DST: variants seen among roughly 807,000 people sequenced by gnomAD.
The protein encoded by DST is bullous pemphigoid antigen.
In DST, 253 loss-of-function variants were observed where a neutral mutation model predicts 875.2. That is an observed-to-expected ratio of 0.29 (90% CI 0.26 to 0.32). The LOEUF is 0.32. Ranked by LOEUF, DST falls within the 10% of genes least tolerant of loss-of-function variation. The pLI is 1.00. For synonymous variants in DST, 3,124 were observed against 3,197.1 expected, an observed-to-expected ratio of 0.98 and a Z score of 0.77; for missense variants, 8,287 against 9,111.6, an observed-to-expected ratio of 0.91 and a Z score of 3.68.
At chr6:56,689,640 A>G (rs9296851) in intron 9 of DST, among the ~76,000 whole-genome samples, 2,708 of 152,226 alleles carry the variant, frequency 0.018, 72 homozygotes, top group African/African-American at 0.062. Context: ...AATAGTAAAA[A>G]GCTCCCTATC....
chr6:56,916,787 C>CAT (rs1385407117), intron 2 of DST, among the ~76,000 whole-genome samples: 9 of 143,128 alleles, frequency 6.3e-5, no homozygotes, highest in Non-Finnish European at 1.2e-4. Flanking sequence ...CTCACACACA[C>CAT]ACACACACAC....
chr6:56,748,379 A>G lies in DST; in HGVS notation c.626-13090T>C, dbSNP rs182527784. Among the ~76,000 whole-genome samples the G allele has an allele frequency of 2.4e-3, 361 of 152,330 alleles. 1 individual carries two copies. The highest frequency in any genetic ancestry group is 8.4e-3 in the African/African-American group (349 of 41,580). On this transcript the variant is annotated intron_variant, in intron 4 of 103. Coordinates refer to ENST00000680361, the MANE Select transcript of DST (RefSeq NM_001374736.1). ...TCAAATATTAGCATCAAAACTGGCT[A>G]GCAATTTCAGCTTGGGAAAATGATT...
At chr6:56,660,083 G>T (rs2099031006) in intron 10 of DST, among the ~76,000 whole-genome samples, 1 of 152,190 alleles carries the variant, frequency 6.6e-6, no homozygotes, top group African/African-American at 2.4e-5. Flanking sequence ...GTGGGAGGAG[G>T]TGCTGTGAGG....
chr6:56,736,570 T>C (rs2099525147), intron 4 of DST, among the ~76,000 whole-genome samples: 1 of 152,190 alleles, frequency 6.6e-6, no homozygotes, highest in Non-Finnish European at 1.5e-5. Context: ...TCAGATGTTC[T>C]CCATCCTTTC....
In DST at chr6:56,568,572, T is replaced by C. The variant is rs746611963; in HGVS notation, c.13902A>G (p.Leu4634=). 6.2e-6 allele frequency: 10 copies of C among 1,608,496 alleles called. No individual in the cohort carries two copies. Among genetic ancestry groups the C allele is most frequent in the Non-Finnish European group, 6.8e-6 (8 of 1,177,392 alleles). Reference sequence around the variant, plus strand: ...TTACTTTCTGAATCTCTGGTGTTTTTAAACTCCACTTTTCTTGTAATTTCT... The same window carrying C: ...TTACTTTCTGAATCTCTGGTGTTTTCAAACTCCACTTTTCTTGTAATTTCT... ...DTKKLQEKWS[L]KTPEIQKVNN... The change falls in exon 55 of 104, where the codon TTA becomes TTG. Residue 4634 remains leucine (L), a synonymous_variant. Coordinates refer to ENST00000680361, the MANE Select transcript of DST (RefSeq NM_001374736.1).
chr6:56,625,980 A>G (rs2098730626), intron 34 of DST, among the ~76,000 whole-genome samples: 1 of 151,268 alleles, frequency 6.6e-6, no homozygotes, highest in Non-Finnish European at 1.5e-5. Flanking sequence ...AGTAAAAAAA[A>G]AAAAAAAAAA....
At chr6:56,921,874 A>G (rs1487083841) in intron 2 of DST, among the ~76,000 whole-genome samples, 1 of 152,224 alleles carries the variant, frequency 6.6e-6, no homozygotes, top group Non-Finnish European at 1.5e-5. Flanking sequence ...ACCATAGAAG[A>G]TACAAAAGAG....
intron 3 of DST, among the ~76,000 whole-genome samples, chr6:56,886,952 TGA>T (rs1345678965): frequency 6.6e-6 from 1 of 152,024 alleles, no homozygotes; most frequent in Non-Finnish European, 1.5e-5. Flanking sequence ...CAGAAAATAT[TGA>T]GAGAAATCAG....
At chr6:56,942,907 G>C (rs60002990) in intron 2 of DST, among the ~76,000 whole-genome samples, 17 of 151,944 alleles carry the variant, frequency 1.1e-4, no homozygotes, top group Admixed American at 4.6e-4. Flanking sequence ...TTTTTGTATA[G>C]ACAAGGTTTT....
Position 56,557,471 on chromosome 6 carries a change from T to C in DST, c.14488A>G (p.Lys4830Glu). ...LNQLTIDRQQ[K>E]LEESSNNLTQ... ...AGATTATTGGAGGATTCTTCCAGTT[T>C]TTGTTGTCTATCAATTGTTAATTGA... Residue 4830 changes from lysine to glutamate, a missense_variant, in exon 59 of 104, where the codon AAA becomes GAA. By Grantham distance (56) the Lys-to-Glu change is moderately conservative. Coordinates refer to ENST00000680361, the MANE Select transcript of DST (RefSeq NM_001374736.1). The C allele has an allele frequency of 1.2e-6, 2 of 1,613,616 alleles. No individual in the cohort carries two copies. The highest frequency in any genetic ancestry group is 1.7e-6 in the Non-Finnish European group (2 of 1,179,622).
At chr6:56,543,418 C>T (rs1476317664) in intron 61 of DST, among the ~76,000 whole-genome samples, 1 of 152,082 alleles carries the variant, frequency 6.6e-6, no homozygotes, top group Middle Eastern at 3.2e-3. Flanking sequence ...TACTAATAAC[C>T]ATACAGTACT....
intron 71 of DST, among the ~76,000 whole-genome samples, chr6:56,516,642 G>T (rs1039631504): frequency 1.1e-4 from 17 of 152,124 alleles, no homozygotes; most frequent in Non-Finnish European, 2.2e-4. Context: ...AGGCTGCTTA[G>T]ATGTCTGAAT....
chr6:56,665,040 C>A (rs1262221953), intron 10 of DST, among the ~76,000 whole-genome samples: 1 of 152,160 alleles, frequency 6.6e-6, no homozygotes, highest in Non-Finnish European at 1.5e-5. Context: ...ATTCTTACTA[C>A]CCCATTACAT....
At chr6:56,904,473 T>G (rs2127700195) in intron 2 of DST, among the ~76,000 whole-genome samples, 1 of 152,296 alleles carries the variant, frequency 6.6e-6, no homozygotes, top group South Asian at 2.1e-4. Context: ...AATGAGATAA[T>G]CCACATTACG....
intron 2 of DST, among the ~76,000 whole-genome samples, chr6:56,916,359 G>C (rs1422622139): frequency 6.6e-6 from 1 of 152,146 alleles, no homozygotes; most frequent in Non-Finnish European, 1.5e-5. Flanking sequence ...ACAAAGTATT[G>C]GACCTTCAGT....
At chr6:56,834,875 T>C (rs1406768771) in intron 4 of DST, among the ~76,000 whole-genome samples, 3 of 152,172 alleles carry the variant, frequency 2.0e-5, no homozygotes, top group African/African-American at 7.2e-5. Context: ...TGAAAACATG[T>C]CCACACAAAA....
intron 4 of DST, among the ~76,000 whole-genome samples, chr6:56,808,665 T>G (rs2099756199): frequency 6.6e-6 from 1 of 152,340 alleles, no homozygotes; most frequent in African/African-American, 2.4e-5. Flanking sequence ...CTATTTACTT[T>G]TTGCTATTCA....
Position 56,604,801 on chromosome 6 carries a change from G to C in DST, c.9827C>G (p.Ser3276Cys), listed in dbSNP as rs1434960763. The C allele has an allele frequency of 6.2e-7, 1 of 1,612,800 alleles. No homozygotes were observed. The highest frequency in any genetic ancestry group is 2.2e-5 in the East Asian group (1 of 44,844). The stretch of plus-strand genomic sequence containing the variant: ...CCCAACATCTTCTACATGTTTACGA[G>C]ATAATATTGAAAGTGTGGCTTCAAT... The part of the protein sequence containing the change: ...ESIEATLSIL[S>C]RKHVEDVGKN... Residue 3276 changes from serine to cysteine, a missense_variant, in exon 40 of 104, where the codon TCT becomes TGT. Coordinates refer to ENST00000680361, the MANE Select transcript of DST (RefSeq NM_001374736.1).
chr6:56,726,980 C>T (rs2099463258), intron 5 of DST, among the ~76,000 whole-genome samples: 1 of 152,116 alleles, frequency 6.6e-6, no homozygotes, highest in Admixed American at 6.6e-5. Context: ...TGCTTTAATC[C>T]TCCTACTACA....
Sources: gnomAD v4.1 joint callset for allele counts (sites outside exome capture counted in the v4.1 genomes callset) on GRCh38, gnomAD v4.1.1 for gene constraint, MANE v1.5 for transcripts, NCBI Gene and HGNC (gene_info 2026-07-23, HGNC 2026-07-21) for gene names.